The following CAGE1 variants were observed in gnomAD, a reference collection of about 807,000 sequenced individuals.
CAGE1 encodes cancer-associated gene 1 protein.
A neutral mutation model predicts 94.9 loss-of-function variants in CAGE1; 66 were observed. The observed-to-expected ratio is 0.70, with a 90% CI of 0.57 to 0.85. The LOEUF (loss-of-function observed/expected upper bound fraction) is 0.85. Among genes scored for constraint, CAGE1 ranks in the 40% least tolerant of loss-of-function variants. The probability of loss-of-function intolerance (pLI) is 0.00; values close to 1 mark genes in which losing one functional copy is unlikely to be tolerated. For missense variants in CAGE1, 865 were observed against 950.4 expected (o/e 0.91, Z 1.18); for synonymous variants, 319 against 321.0 (o/e 0.99, Z 0.07).
In CAGE1 at chr6:7,378,809, ATTTT is replaced by A; in HGVS notation, c.491_494del (p.Glu164ValfsTer29). The stretch of plus-strand genomic sequence containing the variant: ...TTGCAGAAACACTAGTTTCCATTGG[ATTTT>A]CTTCCTTAAATGAGTCTTGCTTTAT... On this transcript the variant is annotated frameshift_variant, in exon 4 of 14. Coordinates refer to ENST00000502583, the MANE Select transcript of CAGE1 (RefSeq NM_001170692.2). LOFTEE classifies it high-confidence loss of function. 1 of 1,613,500 alleles carries A rather than the reference ATTTT, an allele frequency of 6.2e-7. No individual in the cohort carries two copies. The highest frequency in any genetic ancestry group is 2.2e-5 in the East Asian group (1 of 44,878).
intron 11 of CAGE1, among the ~76,000 whole-genome samples, chr6:7,346,333 CTGAT>C (rs1482115297): frequency 2.6e-5 from 4 of 151,854 alleles, no homozygotes; most frequent in African/African-American, 9.7e-5. Context: ...GGTGGTAGGA[CTGAT>C]TGAGTCCAGG....
rs564784932 is a variant in CAGE1, at chr6:7,368,181, A to C, written c.2004+507T>G. On this transcript the variant is annotated intron_variant, in intron 7 of 13. Transcript: ENST00000502583. ...GGCAGAAGAATCACTTGAACCTGGGAGGCGGAGGCTGCAGTGAGCCAAGAT... is the reference window on the plus strand; with the variant it reads ...GGCAGAAGAATCACTTGAACCTGGGCGGCGGAGGCTGCAGTGAGCCAAGAT... 4.8e-4 allele frequency among the ~76,000 whole-genome samples: 70 copies of C among 145,042 alleles called. 1 individual carries two copies. Among genetic ancestry groups the C allele is most frequent in the Non-Finnish European group, 8.5e-4 (57 of 66,848 alleles).
chr6:7,338,354 CATT>C (rs1374160244), intron 11 of CAGE1, among the ~76,000 whole-genome samples: 1 of 152,126 alleles, frequency 6.6e-6, no homozygotes, highest in Non-Finnish European at 1.5e-5. Context: ...AGTCTATCAT[CATT>C]AAGTATAATG....
intron 9 of CAGE1, among the ~76,000 whole-genome samples, chr6:7,363,727 G>A (rs1471216685): frequency 6.6e-6 from 1 of 152,160 alleles, no homozygotes; most frequent in Non-Finnish European, 1.5e-5. Flanking sequence ...GCAGGGGTCT[G>A]CCTGTCTCAC....
chr6:7,328,875 T>A (rs1254770947), intron 13 of CAGE1, among the ~76,000 whole-genome samples: 3 of 14,454 alleles, frequency 2.1e-4, no homozygotes, highest in Non-Finnish European at 1.5e-4. Flanking sequence ...ATCTTATAAG[T>A]GTGTGTGTGT....
intron 11 of CAGE1, chr6:7,341,119 T>A: frequency 3.6e-6 from 2 of 556,038 alleles, no homozygotes; most frequent in Non-Finnish European, 7.2e-6. Context: ...GGCAGTGATG[T>A]ACTTGTGAGC....
rs574892573 is a variant in CAGE1, at chr6:7,344,467, G to A, written c.2370-10377C>T. Among the ~76,000 whole-genome samples, 59 of 152,352 alleles carry A rather than the reference G, an allele frequency of 3.9e-4. No individual in the cohort carries two copies. In the South Asian group the frequency reaches 0.011, roughly 28 times the overall value. On this transcript the variant is annotated intron_variant, in intron 11 of 13. Coordinates refer to ENST00000502583, the MANE Select transcript of CAGE1 (RefSeq NM_001170692.2). The stretch of plus-strand genomic sequence containing the variant: ...GCTGCCTTCCCGCAGGGCAGGATTC[G>A]GGACCTACAGCCCGCCATGCCTGAG...
chr6:7,336,107 A>G (rs1758944615), intron 11 of CAGE1, among the ~76,000 whole-genome samples: 1 of 152,212 alleles, frequency 6.6e-6, no homozygotes, highest in Non-Finnish European at 1.5e-5. Context: ...CCAGGAACAG[A>G]AGATAATGTG....
intron 11 of CAGE1, among the ~76,000 whole-genome samples, chr6:7,338,154 T>TG (rs1759031218): frequency 6.6e-6 from 1 of 152,226 alleles, no homozygotes; most frequent in Non-Finnish European, 1.5e-5. Flanking sequence ...TTGTACTGGA[T>TG]CCTGCAACTT....
Position 7,385,675 on chromosome 6 carries a change from G to A in CAGE1, c.283+110C>T, listed in dbSNP as rs1037968147. 108 of 494,214 alleles carry A rather than the reference G, an allele frequency of 2.2e-4. 1 individual carries two copies. Among genetic ancestry groups the A allele is most frequent in the African/African-American group, 2.0e-3 (100 of 49,886 alleles). The allele number at this position is 494,214 out of a possible 1,614,324, so 30.6% of individuals were successfully genotyped here. A position where few individuals can be genotyped will look rare whatever the true frequency, so the allele number is the denominator to read the frequency against. ...TCAATAAGATTTTTTTGTGGATTAA[G>A]TGTGATGATGTATATAAAGTGCTTA... On this transcript the variant is annotated intron_variant, in intron 3 of 13. Transcript: ENST00000502583.
rs528414389 is a variant in CAGE1 at position 7,333,948 on chromosome 6, G to A, written c.2438+74C>T. 41 of 960,462 alleles carry A rather than the reference G, an allele frequency of 4.3e-5. No individual in the cohort carries two copies. The East Asian group carries it at 5.6e-4, about 13-fold the overall frequency. The allele number at this position is 960,462 out of a possible 1,614,324, so 59.5% of individuals were successfully genotyped here. On this transcript the variant is annotated intron_variant, in intron 12 of 13. Transcript: ENST00000502583. ...CTCCCAAAGTGCTGGGATTACAGGC[G>A]TGAGCCACCGCACTTGGCCATATTA...
intron 4 of CAGE1, among the ~76,000 whole-genome samples, chr6:7,376,781 C>A (rs183976928): frequency 3.3e-5 from 5 of 152,248 alleles, no homozygotes; most frequent in Admixed American, 3.3e-4. Context: ...GGTTTGCAGA[C>A]GTTCTTCCTT....
In CAGE1 at chr6:7,339,851, G is replaced by A. The variant is rs1038092837; in HGVS notation, c.2370-5761C>T. On this transcript the variant is annotated intron_variant, in intron 11 of 13. Coordinates refer to ENST00000502583, the MANE Select transcript of CAGE1 (RefSeq NM_001170692.2). The surrounding 1 kb of genome is among the most constrained non-coding windows in gnomAD (Gnocchi z 4.7). ...GCATTTGGGCTGGTTCCATATTTTG[G>A]TAATTTCAAATTGTGCTGCTATAAA... Among the ~76,000 whole-genome samples, 2 of 152,134 alleles carry A rather than the reference G, an allele frequency of 1.3e-5. No homozygotes were observed. Among genetic ancestry groups the A allele is most frequent in the South Asian group, 2.1e-4 (1 of 4,824 alleles).
At chr6:7,382,593 G>A (rs1446402751) in intron 3 of CAGE1, among the ~76,000 whole-genome samples, 1 of 150,700 alleles carries the variant, frequency 6.6e-6, no homozygotes, top group African/African-American at 2.4e-5. Context: ...GAGCTACCGT[G>A]CCCAGCCCTG....
At position 7,369,925 on chromosome 6, in the gene CAGE1, T is replaced by C; in HGVS notation, c.1887A>G (p.Thr629=). ...SLLALMVGLL[T]CQDIINSDAE... ...AATATATATGTTTTATTACCTGGCA[T>C]GTGAGAAGTCCCACCATCAGAGCCA... The change falls in exon 6 of 14, where the codon ACA becomes ACG. Residue 629 remains threonine (T), a synonymous_variant. Coordinates refer to ENST00000502583, the MANE Select transcript of CAGE1 (RefSeq NM_001170692.2). 6.2e-7 allele frequency: 1 copy of C among 1,609,636 alleles called. No individual in the cohort carries two copies. Among genetic ancestry groups the C allele is most frequent in the African/African-American group, 1.3e-5 (1 of 74,736 alleles).
chr6:7,384,776 G>A (rs1295180500), intron 3 of CAGE1, among the ~76,000 whole-genome samples: 9 of 151,686 alleles, frequency 5.9e-5, no homozygotes, highest in African/African-American at 1.7e-4. Flanking sequence ...GTGCAGTGGC[G>A]TGATCTCGGC....
chr6:7,333,634 CTAACTATCTATA>C (rs1170698863), intron 12 of CAGE1, among the ~76,000 whole-genome samples: 64 of 39,584 alleles, frequency 1.6e-3, no homozygotes, highest in South Asian at 6.7e-3. Context: ...AACTATCTAT[CTAACTATCTATA>C]TATATATATA....
rs747505205 is a variant in CAGE1, at chr6:7,374,141, A to G, written c.688-10T>C. On this transcript the variant is annotated splice_polypyrimidine_tract_variant and intron_variant, in intron 4 of 13. Coordinates refer to ENST00000502583, the MANE Select transcript of CAGE1 (RefSeq NM_001170692.2). ...TTGAAGGAACTGCAGTCTGTAAATT[A>G]TAGTAAACAAAGTAAGTGTGAACGA... 26 of 1,596,754 alleles carry G rather than the reference A, an allele frequency of 1.6e-5. No homozygotes were observed. The Admixed American group carries it at 4.3e-4, about 26-fold the overall frequency.
At chr6:7,349,893 T>G (rs1465771137) in intron 11 of CAGE1, among the ~76,000 whole-genome samples, 1 of 147,598 alleles carries the variant, frequency 6.8e-6, no homozygotes, top group African/African-American at 2.5e-5. Flanking sequence ...ATCTCACTGT[T>G]GCACTCCAGC....
Sources: gnomAD v4.1 joint callset for allele counts (sites outside exome capture counted in the v4.1 genomes callset) on GRCh38, gnomAD v4.1.1 for gene constraint, Gnocchi (gnomAD v3.1) non-coding constraint, MANE v1.5 for transcripts, NCBI Gene and HGNC (gene_info 2026-07-23, HGNC 2026-07-21) for gene names.